LARGE1: variants seen among roughly 807,000 people sequenced by gnomAD.
LARGE1 encodes xylosyl- and glucuronyltransferase LARGE1.
A neutral mutation model predicts 87.6 loss-of-function variants in LARGE1; 43 were observed. The ratio of observed to expected loss-of-function variants is 0.49; its 90% CI spans 0.38 to 0.63. The LOEUF is 0.63. LARGE1 is among the 30% of genes least tolerant of loss of function. The pLI is 0.00. For missense variants in LARGE1, 802 were observed against 1,000.2 expected (o/e 0.80, Z 2.67); for synonymous variants, 434 against 394.6 (o/e 1.10, Z -1.18).
intron 10 of LARGE1, among the ~76,000 whole-genome samples, chr22:33,316,790 T>C (rs1325679852): frequency 6.6e-6 from 1 of 152,086 alleles, no homozygotes; most frequent in African/African-American, 2.4e-5. Flanking sequence ...CTTTAACACC[T>C]GAGAAATGAG....
chr22:33,262,902 G>A (rs1037445114), intron 11 of LARGE1, among the ~76,000 whole-genome samples: 1 of 129,744 alleles, frequency 7.7e-6, no homozygotes, highest in South Asian at 2.7e-4. Flanking sequence ...CTCCCCTTCC[G>A]TTCTTTCTTT....
chr22:33,921,337 C>T (rs979514203), upstream of LARGE1, among the ~76,000 whole-genome samples: 1 of 152,200 alleles, frequency 6.6e-6, no homozygotes, highest in Non-Finnish European at 1.5e-5. The surrounding 1 kb of genome is among the most constrained non-coding windows in gnomAD (Gnocchi z 4.1). Flanking sequence ...CCCGGCGGCT[C>T]CCGGCCGCCT....
intron 6 of LARGE1, among the ~76,000 whole-genome samples, chr22:33,469,323 C>T (rs1189883912): frequency 6.6e-6 from 1 of 152,128 alleles, no homozygotes; most frequent in Non-Finnish European, 1.5e-5. Flanking sequence ...AAATATTGTA[C>T]ATACACACCA....
At chr22:33,229,687 A>G (rs1925908907) in intron 11 of LARGE1, among the ~76,000 whole-genome samples, 1 of 152,172 alleles carries the variant, frequency 6.6e-6, no homozygotes, top group African/African-American at 2.4e-5. Flanking sequence ...AAGGAAAATT[A>G]GAAGATTCTA....
chr22:33,524,301 A>T (rs866927853), intron 6 of LARGE1, among the ~76,000 whole-genome samples: 8 of 149,708 alleles, frequency 5.3e-5, no homozygotes, highest in Admixed American at 1.3e-4. Flanking sequence ...AAAAAAAAAA[A>T]ATAATAATAA....
rs1041283882 is a variant in LARGE1 at position 33,272,705 on chromosome 22, G to A, written c.*1722C>T. On this transcript the variant is annotated 3_prime_UTR_variant, in exon 15 of 15. Transcript: ENST00000397394. ...ATAAATTTCCGTGTAACATCCACTT[G>A]AGCATGTAACATCGTGAGTGATCTC... Among the ~76,000 whole-genome samples the A allele has an allele frequency of 8.5e-5, 13 of 152,078 alleles. No homozygotes were observed. The highest frequency in any genetic ancestry group is 3.1e-4 in the African/African-American group (13 of 41,410).
the LARGE1 span, among the ~76,000 whole-genome samples, chr22:33,130,035 C>A: frequency 7.9e-5 from 12 of 152,268 alleles, no homozygotes; most frequent in African/African-American, 2.6e-4. Flanking sequence ...TATTTTAGGG[C>A]CAGGTACAGT....
chr22:33,527,027 C>CGGGTG (rs1188894606), intron 6 of LARGE1, among the ~76,000 whole-genome samples: 1 of 152,148 alleles, frequency 6.6e-6, no homozygotes, highest in Admixed American at 6.5e-5. Context: ...GAGGCCGAGG[C>CGGGTG]GGGTGGATCA....
At chr22:33,538,961 G>A (rs1416438473) in intron 6 of LARGE1, among the ~76,000 whole-genome samples, 2 of 152,116 alleles carry the variant, frequency 1.3e-5, no homozygotes, top group Admixed American at 1.3e-4. Flanking sequence ...ATAATTCAGT[G>A]GATCTGAGCA....
intron 2 of LARGE1, chr22:33,737,510 A>G (rs1256101853): frequency 6.6e-6 from 1 of 152,138 alleles, no homozygotes; most frequent in Admixed American, 6.5e-5. Flanking sequence ...TAGGTGCATT[A>G]CTTAAGTCCA....
intron 14 of LARGE1, among the ~76,000 whole-genome samples, chr22:33,275,327 T>C (rs925718669): frequency 6.6e-6 from 1 of 152,184 alleles, no homozygotes; most frequent in African/African-American, 2.4e-5. Context: ...AGAGGAGAAC[T>C]CAGCACACTT....
At chr22:33,265,032 C>T (rs1927855952) in intron 11 of LARGE1, among the ~76,000 whole-genome samples, 1 of 151,048 alleles carries the variant, frequency 6.6e-6, no homozygotes, top group African/African-American at 2.4e-5. Context: ...TCCTGAGTAG[C>T]TGGGATTACA....
intron 2 of LARGE1, among the ~76,000 whole-genome samples, chr22:33,729,495 G>A (rs944956280): frequency 3.3e-5 from 5 of 152,220 alleles, no homozygotes; most frequent in Non-Finnish European, 7.3e-5. Context: ...TATCATGAGA[G>A]ATAAATATGC....
chr22:33,151,520 C>G, the LARGE1 span, among the ~76,000 whole-genome samples: 1 of 152,138 alleles, frequency 6.6e-6, no homozygotes, highest in African/African-American at 2.4e-5. Context: ...TTTTCCTGCT[C>G]TTAACAAAAT....
chr22:33,591,857 A>AT (rs2078847506), intron 5 of LARGE1, among the ~76,000 whole-genome samples: 13 of 147,382 alleles, frequency 8.8e-5, no homozygotes, highest in African/African-American at 2.5e-4. Flanking sequence ...AAAAAAAAAA[A>AT]ATTTTTTTTT....
chr22:33,706,676 C>T (rs537951779), intron 2 of LARGE1, among the ~76,000 whole-genome samples: 1 of 152,366 alleles, frequency 6.6e-6, no homozygotes, highest in South Asian at 2.1e-4. Context: ...CAAATCCAGA[C>T]AGAAGATACC....
At chr22:33,144,639 T>G in the LARGE1 span, among the ~76,000 whole-genome samples, 9 of 151,926 alleles carry the variant, frequency 5.9e-5, no homozygotes, top group African/African-American at 2.2e-4. Context: ...CATCTCAGAG[T>G]GAAATGAAAG....
At chr22:33,485,990 G>A (rs1602066503) in intron 6 of LARGE1, among the ~76,000 whole-genome samples, 1 of 152,220 alleles carries the variant, frequency 6.6e-6, no homozygotes, top group Non-Finnish European at 1.5e-5. Flanking sequence ...AGAAGAGCAG[G>A]TGCTTCTCTT....
intron 5 of LARGE1, among the ~76,000 whole-genome samples, chr22:33,569,881 A>G (rs1371766385): frequency 6.6e-6 from 1 of 152,242 alleles, no homozygotes; most frequent in African/African-American, 2.4e-5. Flanking sequence ...CTGTGGTAAC[A>G]ACACAGTAAT....
Sources: allele counts gnomAD v4.1 joint callset (sites outside exome capture counted in the v4.1 genomes callset), GRCh38; gene constraint gnomAD v4.1.1; non-coding constraint Gnocchi (gnomAD v3.1); transcripts MANE v1.5; gene names NCBI Gene and HGNC (gene_info 2026-07-23, HGNC 2026-07-21).